Variants in RABGAP1 observed in about 807,000 individuals in gnomAD.
RABGAP1 encodes rab GTPase-activating protein 1.
A neutral mutation model predicts 137.6 loss-of-function variants in RABGAP1; 23 were observed. The ratio of observed to expected loss-of-function variants is 0.17; its 90% CI spans 0.12 to 0.24. The LOEUF is 0.24. Among genes scored for constraint, RABGAP1 ranks in the 10% least tolerant of loss-of-function variants. The pLI, the probability that RABGAP1 is intolerant of heterozygous loss-of-function variation, is 1.00. For missense variants in RABGAP1, 906 were observed against 1,275.8 expected (o/e 0.71, Z 4.42); for synonymous variants, 451 against 450.7 (o/e 1.00, Z -0.01).
intron 10 of RABGAP1, among the ~76,000 whole-genome samples, chr9:123,005,875 G>A (rs1239952220): frequency 1.3e-5 from 2 of 152,210 alleles, no homozygotes; most frequent in East Asian, 1.9e-4. Context: ...GACAGGGTAT[G>A]AGAATACCTG....
intron 13 of RABGAP1, among the ~76,000 whole-genome samples, chr9:123,028,221 G>C (rs906615694): frequency 1.3e-5 from 2 of 152,154 alleles, no homozygotes; most frequent in Non-Finnish European, 2.9e-5. Flanking sequence ...ATTGCCTTTT[G>C]TTTCATTGGA....
chr9:123,021,271 A>C (rs570841027), intron 13 of RABGAP1, among the ~76,000 whole-genome samples: 1 of 147,874 alleles, frequency 6.8e-6, no homozygotes, highest in Non-Finnish European at 1.5e-5. Flanking sequence ...TATGAATGAT[A>C]TCTCTCTGTA....
Position 123,068,252 on chromosome 9 carries a change from A to G in RABGAP1, c.1909-2098A>G, listed in dbSNP as rs568409957. ...GTAATCCCAGCTATTTGGGAGGCTG[A>G]GGCAGGAGAATTGCTTGAACCTGAG... is the stretch of plus-strand genomic sequence containing the variant. On this transcript the variant is annotated intron_variant, in intron 14 of 25. Transcript: ENST00000373647. Among the ~76,000 whole-genome samples the G allele has an allele frequency of 2.0e-5, 3 of 151,138 alleles. No individual in the cohort carries two copies. The South Asian group carries it at 6.3e-4, about 32-fold the overall frequency.
At chr9:123,034,330 C>T (rs183137480) in intron 13 of RABGAP1, 11 of 542,428 alleles carry the variant, frequency 2.0e-5, no homozygotes, top group South Asian at 5.9e-5. Context: ...GCACTATGGC[C>T]GCGTCTGGGA....
In RABGAP1 at chr9:122,990,045, T is replaced by G; in HGVS notation, c.766-11T>G. 6.3e-7 allele frequency: 1 copy of G among 1,582,048 alleles called. No individual in the cohort carries two copies. Among genetic ancestry groups the G allele is most frequent in the Non-Finnish European group, 8.6e-7 (1 of 1,158,532 alleles). On this transcript the variant is annotated splice_polypyrimidine_tract_variant and intron_variant, in intron 5 of 25. Coordinates refer to ENST00000373647, the MANE Select transcript of RABGAP1 (RefSeq NM_012197.4). ...TGATAACAGCCCATTTCCTAACATG[T>G]CTGGTTGTAGGTAAGCCGGATACTT...
At chr9:122,999,012 A>G (rs1409602766) in intron 10 of RABGAP1, among the ~76,000 whole-genome samples, 1 of 152,214 alleles carries the variant, frequency 6.6e-6, no homozygotes, top group African/African-American at 2.4e-5. Context: ...TTCTTTAAGT[A>G]TAGATCTGCT....
chr9:123,004,930 T>G (rs1327181027), intron 10 of RABGAP1, among the ~76,000 whole-genome samples: 1 of 151,102 alleles, frequency 6.6e-6, no homozygotes, highest in East Asian at 2.0e-4. Context: ...GTGGTGCACA[T>G]CCGTAATCCC....
chr9:122,992,141 A>G (rs1836758437), intron 6 of RABGAP1, among the ~76,000 whole-genome samples: 1 of 151,598 alleles, frequency 6.6e-6, no homozygotes, highest in Admixed American at 6.6e-5. Context: ...GGTTCAAGCA[A>G]TTCTCATGCC....
chr9:123,039,585 CTT>C lies in RABGAP1; in HGVS notation c.1794+19130_1794+19131del, dbSNP rs557944535. Among the ~76,000 whole-genome samples, 203 of 152,246 alleles carry C rather than the reference CTT, an allele frequency of 1.3e-3. 2 individuals are homozygous for C. Among genetic ancestry groups the C allele is most frequent in the Middle Eastern group, 6.8e-3 (2 of 294 alleles). On this transcript the variant is annotated intron_variant, in intron 13 of 25. Transcript: ENST00000373647. Reference sequence around the variant, plus strand: ...AGATTTTAAATAATAAATAATATCTCTTTTTGGTATCAAGAGATTAATGTGGT... The same window carrying C: ...AGATTTTAAATAATAAATAATATCTCTTTGGTATCAAGAGATTAATGTGGT...
chr9:123,050,960 C>CT (rs935532967), intron 13 of RABGAP1, among the ~76,000 whole-genome samples: 2 of 151,362 alleles, frequency 1.3e-5, no homozygotes, highest in African/African-American at 2.4e-5. Context: ...TGTTTGTTTT[C>CT]TTTTTTTTGA....
intron 4 of RABGAP1, among the ~76,000 whole-genome samples, 181 bp downstream of exon 4, chr9:122,986,600 G>C (rs1222472536): frequency 1.3e-5 from 2 of 152,134 alleles, no homozygotes; most frequent in South Asian, 2.1e-4. Flanking sequence ...TTACTTATTT[G>C]TAATAGTTTT....
intron 1 of RABGAP1, among the ~76,000 whole-genome samples, chr9:122,945,157 T>TTTTTTTTTTTTTTTTTTTTTTTTTTA (rs1833880209): frequency 6.9e-6 from 1 of 144,094 alleles, no homozygotes; most frequent in Non-Finnish European, 1.5e-5. Context: ...CTTTTTTTTT[T>TTTTTTTTTTTTTTTTTTTTTTTTTTA]TTTTTTAGCA....
At chr9:123,004,674 A>G (rs1277943854) in intron 10 of RABGAP1, among the ~76,000 whole-genome samples, 1 of 152,208 alleles carries the variant, frequency 6.6e-6, no homozygotes, top group Non-Finnish European at 1.5e-5. Flanking sequence ...ATAATTTGAC[A>G]TTACAGGATT....
chr9:123,014,624 C>T (rs1462927586), intron 11 of RABGAP1, among the ~76,000 whole-genome samples: 1 of 150,520 alleles, frequency 6.6e-6, no homozygotes, highest in African/African-American at 2.4e-5. Context: ...CATACCCGAC[C>T]GAGACTGAGT....
chr9:122,955,839 T>C (rs549607146), intron 1 of RABGAP1, among the ~76,000 whole-genome samples: 1 of 152,318 alleles, frequency 6.6e-6, no homozygotes, highest in Non-Finnish European at 1.5e-5. Context: ...TCAGGACTTC[T>C]CAGTCAGAGA....
chr9:123,026,250 G>A (rs1007614806), intron 13 of RABGAP1, among the ~76,000 whole-genome samples: 1 of 152,032 alleles, frequency 6.6e-6, no homozygotes, highest in South Asian at 2.1e-4. Flanking sequence ...CTTGAACCCC[G>A]GAGGCAGAGG....
chr9:123,017,110 T>C (rs1287687855), intron 12 of RABGAP1, among the ~76,000 whole-genome samples: 2 of 152,200 alleles, frequency 1.3e-5, no homozygotes, highest in African/African-American at 4.8e-5. Flanking sequence ...CACAATAATA[T>C]TTTCAGTTCA....
intron 10 of RABGAP1, among the ~76,000 whole-genome samples, chr9:123,006,553 T>C (rs1485315870): frequency 6.6e-6 from 1 of 152,208 alleles, no homozygotes; most frequent in Non-Finnish European, 1.5e-5. Context: ...TTATATTCTG[T>C]TCCTCTGGTC....
intron 13 of RABGAP1, among the ~76,000 whole-genome samples, chr9:123,058,050 A>AGGG (rs1554725447): frequency 1.5e-5 from 2 of 136,838 alleles, no homozygotes; most frequent in Non-Finnish European, 3.2e-5. Flanking sequence ...GTGGAAAGAG[A>AGGG]GGGGAGAGGG....
Sources: gnomAD v4.1 joint callset for allele counts (sites outside exome capture counted in the v4.1 genomes callset) on GRCh38, gnomAD v4.1.1 for gene constraint, MANE v1.5 for transcripts, NCBI Gene and HGNC (gene_info 2026-07-23, HGNC 2026-07-21) for gene names.